Variants in PTPRD observed in about 807,000 individuals in gnomAD.
PTPRD encodes the protein receptor-type tyrosine-protein phosphatase delta.
In PTPRD, 34 loss-of-function variants were observed where a neutral mutation model predicts 214.5. The ratio of observed to expected loss-of-function variants is 0.16; its 90% confidence interval spans 0.12 to 0.21. PTPRD has a LOEUF of 0.21. Among genes scored for constraint, PTPRD ranks in the 10% least tolerant of loss-of-function variants. The probability of loss-of-function intolerance (pLI) is 1.00; values close to 1 mark genes in which losing one functional copy is unlikely to be tolerated. For missense variants in PTPRD, 2,545 were observed against 2,398.7 expected, an observed-to-expected ratio of 1.06 and a Z score of -1.27; for synonymous variants, 1,128 against 845.7, an observed-to-expected ratio of 1.33 and a Z score of -5.79.
At chr9:10,513,819 T>C (rs1328500652) in intron 2 of PTPRD, among the ~76,000 whole-genome samples, 1 of 152,174 alleles carries the variant, frequency 6.6e-6, no homozygotes, top group Non-Finnish European at 1.5e-5. Context: ...GTCAAATCAC[T>C]GATCACTGGG....
chr9:8,673,353 T>C (rs2097328057), intron 12 of PTPRD, among the ~76,000 whole-genome samples: 1 of 152,210 alleles, frequency 6.6e-6, no homozygotes, highest in Non-Finnish European at 1.5e-5. Context: ...TCCATCTGCC[T>C]AATTATAAGC....
chr9:9,707,949 C>A (rs1406390438), intron 7 of PTPRD, among the ~76,000 whole-genome samples: 1 of 151,874 alleles, frequency 6.6e-6, no homozygotes, highest in Non-Finnish European at 1.5e-5. Context: ...ATATACCTAG[C>A]AGTAAGAAAT....
chr9:8,386,605 G>T (rs575105606), intron 37 of PTPRD, among the ~76,000 whole-genome samples: 1 of 152,274 alleles, frequency 6.6e-6, no homozygotes, highest in East Asian at 1.9e-4. Context: ...TAGTTCCAAT[G>T]TCTGCTTTGA....
chr9:8,780,719 C>T (rs992469989), intron 11 of PTPRD, among the ~76,000 whole-genome samples: 4 of 152,168 alleles, frequency 2.6e-5, no homozygotes, highest in Non-Finnish European at 5.9e-5. Flanking sequence ...GCATGACCTT[C>T]AAGGCCAAGA....
At chr9:8,488,319 G>A (rs917293671) in intron 27 of PTPRD, among the ~76,000 whole-genome samples, 5 of 152,146 alleles carry the variant, frequency 3.3e-5, no homozygotes, top group Non-Finnish European at 5.9e-5. Context: ...CACATGCTGG[G>A]AAGATTCATC....
At chr9:9,349,500 C>T (rs7030626) in intron 9 of PTPRD, among the ~76,000 whole-genome samples, 34,027 of 151,826 alleles carry the variant, frequency 0.22, 4,351 homozygotes, top group Non-Finnish European at 0.29. Context: ...CTAATGTTTA[C>T]ATTTTAGACT....
chr9:9,762,032 G>A (rs1282354854), intron 6 of PTPRD, among the ~76,000 whole-genome samples: 2 of 152,132 alleles, frequency 1.3e-5, no homozygotes, highest in Non-Finnish European at 2.9e-5. Flanking sequence ...GATCAAGTGT[G>A]GCAGCACCAC....
At chr9:9,789,080 T>C (rs183005584) in intron 5 of PTPRD, among the ~76,000 whole-genome samples, 34 of 152,246 alleles carry the variant, frequency 2.2e-4, no homozygotes, top group African/African-American at 7.5e-4. Context: ...TACATGGACA[T>C]CTGGAGGGAT....
At chr9:8,627,028 C>G (rs2096065152) in intron 14 of PTPRD, among the ~76,000 whole-genome samples, 1 of 151,778 alleles carries the variant, frequency 6.6e-6, no homozygotes, top group African/African-American at 2.4e-5. Context: ...CTTCTAGTTT[C>G]TACTCCTCTC....
intron 3 of PTPRD, among the ~76,000 whole-genome samples, chr9:10,105,833 C>T (rs897110098): frequency 6.6e-6 from 1 of 151,456 alleles, no homozygotes; most frequent in Non-Finnish European, 1.5e-5. Flanking sequence ...GATTTCAGGA[C>T]CCCTGCAATA....
intron 7 of PTPRD, among the ~76,000 whole-genome samples, 197 bp downstream of exon 7, chr9:9,734,336 C>A (rs771941571): frequency 6.6e-6 from 1 of 152,052 alleles, no homozygotes; most frequent in Non-Finnish European, 1.5e-5. Flanking sequence ...CAAGAAGTAT[C>A]TGGACTTATC....
intron 5 of PTPRD, among the ~76,000 whole-genome samples, chr9:9,881,001 C>T (rs530045864): frequency 1.3e-5 from 2 of 152,198 alleles, no homozygotes; most frequent in African/African-American, 4.8e-5. Flanking sequence ...TGCATAGGCA[C>T]ATTTGGAAAC....
chr9:10,201,327 T>C (rs2099419559), intron 3 of PTPRD, among the ~76,000 whole-genome samples: 1 of 152,024 alleles, frequency 6.6e-6, no homozygotes, highest in African/African-American at 2.4e-5. Context: ...GCATTAGTTA[T>C]AATGATAAAA....
chr9:9,903,702 T>C (rs545356334), intron 5 of PTPRD, among the ~76,000 whole-genome samples: 14 of 152,218 alleles, frequency 9.2e-5, no homozygotes, highest in Admixed American at 2.6e-4. Context: ...CATTCCCTCT[T>C]TCTTCTTTCT....
Position 8,376,623 on chromosome 9 carries a change from G to A in PTPRD, c.4490C>T (p.Thr1497Ile). The change falls in exon 38 of 46, where the codon ACA (threonine) becomes ATA (isoleucine). Residue 1497 changes from threonine (T) to isoleucine (I), a missense_variant. Physicochemically the swap from Thr to Ile is moderately conservative, Grantham distance 89. Coordinates refer to ENST00000381196, the MANE Select transcript of PTPRD (RefSeq NM_002839.4). ...TVELATYCVR[T>I]FALYKNGSSE... ...AAAGCAAACCTTGTAAAGTGCAAAT[G>A]TTCGAACACAATATGTGGCCAGCTC... is the stretch of plus-strand genomic sequence containing the variant. 6.2e-7 allele frequency: 1 copy of A among 1,612,956 alleles called. No individual in the cohort carries two copies. Among genetic ancestry groups the A allele is most frequent in the Non-Finnish European group, 8.5e-7 (1 of 1,179,262 alleles).
intron 2 of PTPRD, among the ~76,000 whole-genome samples, chr9:10,571,614 T>C (rs1442061957): frequency 6.6e-6 from 1 of 152,146 alleles, no homozygotes; most frequent in African/African-American, 2.4e-5. Flanking sequence ...CAAGGAATGT[T>C]ACTATAAAAC....
intron 37 of PTPRD, among the ~76,000 whole-genome samples, chr9:8,382,967 GA>G: frequency 6.6e-6 from 1 of 152,114 alleles, no homozygotes; most frequent in East Asian, 1.9e-4. Context: ...TAAACTTACC[GA>G]ACCTTGACAA....
At chr9:8,629,825 G>C (rs2096190724) in intron 14 of PTPRD, among the ~76,000 whole-genome samples, 1 of 151,712 alleles carries the variant, frequency 6.6e-6, no homozygotes, top group Admixed American at 6.6e-5. Context: ...CACACTCTAT[G>C]GTATAGTTAA....
At chr9:8,698,692 T>A (rs555972954) in intron 12 of PTPRD, among the ~76,000 whole-genome samples, 42 of 152,300 alleles carry the variant, frequency 2.8e-4, no homozygotes, top group African/African-American at 9.9e-4. Context: ...TGAAACTGCC[T>A]GAAAACTGTC....
Sources: gnomAD v4.1 joint callset for allele counts (sites outside exome capture counted in the v4.1 genomes callset) on GRCh38, gnomAD v4.1.1 for gene constraint, MANE v1.5 for transcripts, NCBI Gene and HGNC (gene_info 2026-07-23, HGNC 2026-07-21) for gene names.